The following TENM2 variants were observed in gnomAD, a reference collection of about 807,000 sequenced individuals.
TENM2 encodes teneurin transmembrane protein 2, also known as teneurin-2.
Under a neutral mutation model 245.2 loss-of-function variants are expected in TENM2, and 52 were observed. That is an observed-to-expected ratio of 0.21 (90% confidence interval 0.17 to 0.27). The LOEUF (loss-of-function observed/expected upper bound fraction) is 0.27, where lower values mean the gene tolerates loss of function less well. TENM2 is among the 10% of genes least tolerant of loss of function. The pLI, the probability that TENM2 is intolerant of heterozygous loss-of-function variation, is 1.00. For missense variants in TENM2, 3,046 were observed against 3,666.8 expected, an observed-to-expected ratio of 0.83 and a Z score of 4.37; for synonymous variants, 1,363 against 1,438.9, an observed-to-expected ratio of 0.95 and a Z score of 1.19.
chr5:167,315,784 C>T (rs377254581), intron 1 of TENM2, among the ~76,000 whole-genome samples: 2 of 152,032 alleles, frequency 1.3e-5, no homozygotes, highest in African/African-American at 2.4e-5. Context: ...GACGGGCTGT[C>T]TCTGGGAGTG....
chr5:167,194,073 G>A, the TENM2 span, among the ~76,000 whole-genome samples: 1 of 151,972 alleles, frequency 6.6e-6, no homozygotes, highest in East Asian at 1.9e-4. Context: ...ACTGTGAAGG[G>A]TGTCTCACTG....
intron 7 of TENM2, among the ~76,000 whole-genome samples, chr5:168,077,393 A>T (rs1393300075): frequency 6.6e-6 from 1 of 151,672 alleles, no homozygotes; most frequent in East Asian, 1.9e-4. Context: ...GGCATGGGGG[A>T]TGCTGAGTTC....
chr5:167,976,626 T>G (rs1185225449), intron 4 of TENM2, among the ~76,000 whole-genome samples: 1 of 152,194 alleles, frequency 6.6e-6, no homozygotes, highest in Non-Finnish European at 1.5e-5. Flanking sequence ...AGGAAGGACT[T>G]TGTGATCTTG....
the TENM2 span, among the ~76,000 whole-genome samples, chr5:167,166,201 G>A: frequency 6.6e-6 from 1 of 152,070 alleles, no homozygotes; most frequent in Non-Finnish European, 1.5e-5. Flanking sequence ...ACATTGTTCA[G>A]CACACATACA....
chr5:167,611,890 G>T (rs1006554521), intron 2 of TENM2, among the ~76,000 whole-genome samples: 1 of 151,914 alleles, frequency 6.6e-6, no homozygotes, highest in African/African-American at 2.4e-5. Flanking sequence ...ATCACATTTG[G>T]GACTAGGTTT....
the TENM2 span, chr5:167,119,703 A>C: frequency 6.6e-6 from 1 of 152,240 alleles, no homozygotes; most frequent in African/African-American, 2.4e-5. Flanking sequence ...TAATATCATC[A>C]CATTGTCTAT....
At chr5:167,080,403 A>G in the TENM2 span, among the ~76,000 whole-genome samples, 2 of 152,288 alleles carry the variant, frequency 1.3e-5, no homozygotes, top group East Asian at 3.9e-4. Flanking sequence ...TACATTTAAC[A>G]TTTTTTGCTA....
the TENM2 span, among the ~76,000 whole-genome samples, chr5:167,121,396 G>A: frequency 1.3e-5 from 2 of 152,220 alleles, no homozygotes; most frequent in African/African-American, 4.8e-5. Flanking sequence ...GAAAGAGCCA[G>A]TTAGGCCAAG....
intron 3 of TENM2, among the ~76,000 whole-genome samples, chr5:167,903,340 G>A (rs1775855203): frequency 6.6e-6 from 1 of 152,040 alleles, no homozygotes; most frequent in Non-Finnish European, 1.5e-5. Context: ...TTAAGATTTT[G>A]GAGTAATAAA....
At chr5:168,073,497 C>A (rs1246557321) in intron 7 of TENM2, among the ~76,000 whole-genome samples, 1 of 152,172 alleles carries the variant, frequency 6.6e-6, no homozygotes, top group Non-Finnish European at 1.5e-5. Flanking sequence ...AGTCACTCTT[C>A]GCTAATGGGG....
the TENM2 span, among the ~76,000 whole-genome samples, chr5:167,013,419 A>C: frequency 6.6e-6 from 1 of 152,192 alleles, no homozygotes; most frequent in Non-Finnish European, 1.5e-5. Flanking sequence ...GGCTTCTTTG[A>C]CAGCCATATT....
chr5:167,879,147 T>C (rs1453646656), intron 3 of TENM2, among the ~76,000 whole-genome samples: 2 of 152,172 alleles, frequency 1.3e-5, no homozygotes, highest in Non-Finnish European at 2.9e-5. Flanking sequence ...TTCCCCAACA[T>C]GAAAAACTCC....
the TENM2 span, among the ~76,000 whole-genome samples, chr5:167,132,297 C>T: frequency 1.3e-5 from 2 of 152,160 alleles, no homozygotes; most frequent in African/African-American, 2.4e-5. Context: ...CACATAGACT[C>T]TCTCCCAAAG....
At chr5:167,511,111 A>T (rs1002384841) in intron 2 of TENM2, among the ~76,000 whole-genome samples, 1 of 152,168 alleles carries the variant, frequency 6.6e-6, no homozygotes, top group Non-Finnish European at 1.5e-5. Context: ...AAAGCACTGC[A>T]ATAAGGAATT....
intron 2 of TENM2, among the ~76,000 whole-genome samples, chr5:167,595,011 T>C (rs569179002): frequency 2.6e-5 from 4 of 152,326 alleles, no homozygotes; most frequent in Admixed American, 2.6e-4. Flanking sequence ...AAATTACTCA[T>C]TTGAAACTGC....
At chr5:167,290,450 T>C (rs1318568696) in intron 1 of TENM2, among the ~76,000 whole-genome samples, 1 of 152,200 alleles carries the variant, frequency 6.6e-6, no homozygotes, top group Non-Finnish European at 1.5e-5. Flanking sequence ...ATTGTCACTT[T>C]AACCCTACTA....
At chr5:167,268,865 A>G in the TENM2 span, among the ~76,000 whole-genome samples, 1 of 136,354 alleles carries the variant, frequency 7.3e-6, no homozygotes, top group Non-Finnish European at 1.6e-5. Flanking sequence ...CATCCTTTCC[A>G]AAAGATACAT....
intron 3 of TENM2, among the ~76,000 whole-genome samples, chr5:167,888,236 A>G (rs1774451776): frequency 6.6e-6 from 1 of 152,230 alleles, no homozygotes; most frequent in East Asian, 1.9e-4. Context: ...ATAGCTCCCT[A>G]TGTCTTCTCT....
intron 3 of TENM2, among the ~76,000 whole-genome samples, chr5:167,931,551 G>GA (rs368486009): frequency 3.7e-4 from 41 of 110,332 alleles, no homozygotes; most frequent in Middle Eastern, 4.8e-3. Flanking sequence ...AAACCCATTG[G>GA]AAAAAAAAAA....
Sources: gnomAD v4.1 joint callset for allele counts (sites outside exome capture counted in the v4.1 genomes callset) on GRCh38, gnomAD v4.1.1 for gene constraint, MANE v1.5 for transcripts, NCBI Gene and HGNC (gene_info 2026-07-23, HGNC 2026-07-21) for gene names.